ARHGEF3: variants seen among roughly 807,000 people sequenced by gnomAD.
ARHGEF3 encodes Rho guanine nucleotide exchange factor 3, also known as 59.8 kDA protein.
ARHGEF3 carries 28 observed loss-of-function variants against 63.2 expected under a neutral mutation model. That is an observed-to-expected ratio of 0.44 (90% CI 0.33 to 0.61). The LOEUF (loss-of-function observed/expected upper bound fraction) is 0.61, where lower values mean the gene tolerates loss of function less well. Among genes scored for constraint, ARHGEF3 ranks in the 20% least tolerant of loss-of-function variants. ARHGEF3 has a pLI of 0.03. For missense variants in ARHGEF3, 533 were observed against 659.3 expected (o/e 0.81, Z 2.10); for synonymous variants, 266 against 254.2 (o/e 1.05, Z -0.44).
intron 2 of ARHGEF3, among the ~76,000 whole-genome samples, chr3:56,971,815 C>G (rs1275841244): frequency 6.6e-6 from 1 of 151,882 alleles, no homozygotes; most frequent in Non-Finnish European, 1.5e-5. Context: ...GATGGTGCCA[C>G]TGAACTCCAG....
chr3:56,936,788 C>T (rs1323504379), intron 3 of ARHGEF3, among the ~76,000 whole-genome samples: 1 of 152,188 alleles, frequency 6.6e-6, no homozygotes, highest in Non-Finnish European at 1.5e-5. Flanking sequence ...CGCACAATCA[C>T]AGCTCACTGC....
At chr3:56,803,409 A>G (rs1194381717), upstream of ARHGEF3, among the ~76,000 whole-genome samples, 1 of 151,958 alleles carries the variant, frequency 6.6e-6, no homozygotes, top group African/African-American at 2.4e-5. Context: ...ACTGCACTCC[A>G]GCCTGGGTGA....
rs150772933 is a variant in ARHGEF3, at chr3:56,729,453, C to A, written c.1398G>T (p.Ser466=). The change falls in exon 10 of 10, where the codon TCG becomes TCT. Residue 466 remains serine, a synonymous_variant. Coordinates refer to ENST00000296315, the MANE Select transcript of ARHGEF3 (RefSeq NM_019555.3). ...GQAGVLDSEG[S]FLNPTTGSRE... Reference sequence around the variant, plus strand: ...TGCTCCCGGTGGTGGGATTTAGGAACGATCCCTCGGAGTCAAGCACCCCAG... The same window carrying A: ...TGCTCCCGGTGGTGGGATTTAGGAAAGATCCCTCGGAGTCAAGCACCCCAG... The A allele has an allele frequency of 6.2e-7, 1 of 1,614,124 alleles. No individual in the cohort carries two copies. Among genetic ancestry groups the A allele is most frequent in the Non-Finnish European group, 8.5e-7 (1 of 1,180,024 alleles).
chr3:56,831,825 T>C (rs556410394), intron 4 of ARHGEF3, among the ~76,000 whole-genome samples: 7 of 152,246 alleles, frequency 4.6e-5, no homozygotes, highest in Non-Finnish European at 1.0e-4. Context: ...GAAACAGAAA[T>C]GGCTCTCTTC....
intron 4 of ARHGEF3, among the ~76,000 whole-genome samples, chr3:56,859,502 G>T (rs2039994458): frequency 6.6e-6 from 1 of 151,042 alleles, no homozygotes; most frequent in Non-Finnish European, 1.5e-5. Flanking sequence ...GGCAGACTGA[G>T]CCCACATCCC....
At position 57,034,211 on chromosome 3, in the gene ARHGEF3, T is replaced by TA. The variant is rs202092796; in HGVS notation, c.62+876_62+877insT. ...TTCACAAGTGCAATTGTAGTGCACTTCAGCCTTAAACTCCTAGGCTGAGGC... is the reference window on the plus strand; with the variant it reads ...TTCACAAGTGCAATTGTAGTGCACTTACAGCCTTAAACTCCTAGGCTGAGGC... On this transcript the variant is annotated intron_variant, in intron 2 of 12. Transcript: ENST00000338458. Among the ~76,000 whole-genome samples, 1,178 of 151,430 alleles carry TA rather than the reference T, an allele frequency of 7.8e-3. 11 individuals are homozygous for TA. Among genetic ancestry groups the TA allele is most frequent in the African/African-American group, 0.026 (1,056 of 41,326 alleles).
intron 4 of ARHGEF3, among the ~76,000 whole-genome samples, chr3:56,850,201 T>C (rs2039629340): frequency 6.6e-6 from 1 of 152,232 alleles, no homozygotes; most frequent in African/African-American, 2.4e-5. Flanking sequence ...CCCCATCTGA[T>C]GAAATAGTTA....
At chr3:57,036,192 A>G (rs982390255) in intron 1 of ARHGEF3, among the ~76,000 whole-genome samples, 3 of 152,176 alleles carry the variant, frequency 2.0e-5, no homozygotes, top group African/African-American at 7.2e-5. Flanking sequence ...GTTAATAAGC[A>G]GGTAATATCT....
chr3:56,882,679 T>A (rs1288970916), intron 3 of ARHGEF3, among the ~76,000 whole-genome samples: 1 of 151,686 alleles, frequency 6.6e-6, no homozygotes, highest in African/African-American at 2.4e-5. Context: ...CCACCACGCC[T>A]GGCTAATTTT....
In ARHGEF3 at chr3:56,933,840, C is replaced by G. The variant is rs1363199378; in HGVS notation, c.129+24983G>C. Among the ~76,000 whole-genome samples the G allele has an allele frequency of 2.0e-5, 3 of 152,194 alleles. No homozygotes were observed. In the East Asian group the frequency reaches 5.8e-4, roughly 29 times the overall value. ...CTCAAATTGTAATCCCCATAATCCC[C>G]ACATGTACAGAAAGGGTCTGGTGGG... On this transcript the variant is annotated intron_variant, in intron 3 of 12. Coordinates refer to the ARHGEF3 transcript ENST00000338458.
chr3:57,020,117 C>G (rs1350569044), intron 2 of ARHGEF3, among the ~76,000 whole-genome samples: 1 of 152,186 alleles, frequency 6.6e-6, no homozygotes, highest in Non-Finnish European at 1.5e-5. Context: ...AGGCTGGTCT[C>G]AAACTCCTGA....
intron 4 of ARHGEF3, among the ~76,000 whole-genome samples, chr3:56,874,752 A>G (rs531229722): frequency 6.6e-6 from 1 of 152,316 alleles, no homozygotes; most frequent in East Asian, 1.9e-4. Context: ...GGGAGCCAAA[A>G]GCTTTCTTCT....
chr3:56,775,920 CAA>C (rs2036262886), intron 1 of ARHGEF3, among the ~76,000 whole-genome samples: 1 of 152,152 alleles, frequency 6.6e-6, no homozygotes, highest in Non-Finnish European at 1.5e-5. Flanking sequence ...AGTGAGGTGA[CAA>C]AGATTCCCTG....
chr3:56,772,553 A>AT (rs1449002370), intron 2 of ARHGEF3, among the ~76,000 whole-genome samples: 1 of 152,196 alleles, frequency 6.6e-6, no homozygotes, highest in African/African-American at 2.4e-5. Context: ...TTCATGGCAT[A>AT]TTTTTTGTGG....
intron 4 of ARHGEF3, among the ~76,000 whole-genome samples, chr3:56,752,032 A>C (rs1194009314): frequency 6.6e-6 from 1 of 152,196 alleles, no homozygotes; most frequent in Non-Finnish European, 1.5e-5. Context: ...TTTATATTTT[A>C]GTTTCTGATC....
intron 3 of ARHGEF3, among the ~76,000 whole-genome samples, chr3:56,891,940 T>C (rs1251469938): frequency 6.6e-6 from 1 of 152,170 alleles, no homozygotes; most frequent in Non-Finnish European, 1.5e-5. Context: ...ATCTTAGCCA[T>C]GGAACACCTG....
intron 3 of ARHGEF3, among the ~76,000 whole-genome samples, chr3:56,947,358 T>C (rs1699563569): frequency 6.6e-6 from 1 of 152,166 alleles, no homozygotes; most frequent in African/African-American, 2.4e-5. Flanking sequence ...TCAAGACCCA[T>C]CAGTGTGCTG....
intron 1 of ARHGEF3, among the ~76,000 whole-genome samples, chr3:56,779,373 A>C (rs2036440345): frequency 1.3e-5 from 2 of 152,240 alleles, no homozygotes; most frequent in African/African-American, 4.8e-5. Flanking sequence ...ACAGGTTGGT[A>C]GTTGTCAAAG....
chr3:57,073,822 A>G (rs1331702099), intron 1 of ARHGEF3: 7 of 1,614,090 alleles, frequency 4.3e-6, no homozygotes, highest in Non-Finnish European at 5.1e-6. Context: ...TCCACCCAAC[A>G]TCCCAACAAA....
Sources: allele counts gnomAD v4.1 joint callset (sites outside exome capture counted in the v4.1 genomes callset), GRCh38; gene constraint gnomAD v4.1.1; transcripts MANE v1.5; gene names NCBI Gene and HGNC (gene_info 2026-07-23, HGNC 2026-07-21).